The following CYB561 variants were observed in gnomAD, a reference collection of about 807,000 sequenced individuals.
CYB561 encodes the protein cytochrome b561, also known as transmembrane ascorbate-dependent reductase CYB561.
A neutral mutation model predicts 25.3 loss-of-function variants in CYB561; 11 were observed. The observed-to-expected ratio is 0.44, with a 90% CI of 0.27 to 0.72. The LOEUF is 0.72. Ranked by LOEUF, CYB561 falls within the 30% of genes least tolerant of loss-of-function variation. The probability of loss-of-function intolerance (pLI) is 0.18; values close to 1 mark genes in which losing one functional copy is unlikely to be tolerated. For missense variants in CYB561, 295 were observed against 334.9 expected (o/e 0.88, Z 0.93); for synonymous variants, 165 against 158.8 (o/e 1.04, Z -0.29).
intron 1 of CYB561, chr17:63,438,447 C>T (rs1199160815): frequency 4.0e-6 from 2 of 502,930 alleles, no homozygotes; most frequent in South Asian, 2.2e-5. Context: ...CAGCCCCGCT[C>T]CCCCCACGCC....
intron 1 of CYB561, 174 bp from the exon 2 acceptor site, chr17:63,437,734 G>GCC (rs559411517): frequency 2.8e-5 from 12 of 424,906 alleles, no homozygotes; most frequent in Middle Eastern, 6.4e-4. Flanking sequence ...GATATGCACA[G>GCC]CCCCCCCCGA....
chr17:63,441,976 C>T (rs1286776246), intron 1 of CYB561, among the ~76,000 whole-genome samples: 1 of 152,218 alleles, frequency 6.6e-6, no homozygotes, highest in African/African-American at 2.4e-5. Context: ...AGATGCATTT[C>T]CATTTGCTCC....
At position 63,436,273 on chromosome 17, in the gene CYB561, T is replaced by TACGGCTTGTAACAGG; in HGVS notation, c.203-122_203-121insCCTGTTACAAGCCGT. On this transcript the variant is annotated intron_variant, in intron 2 of 5. Coordinates refer to ENST00000360793, the MANE Select transcript of CYB561 (RefSeq NM_001915.4). This position sits in a 1 kb window ranked among gnomAD's most constrained non-coding sequence, Gnocchi z 4.8. ...GAGCTGACGGCTTGTAACAGGAGCCTAGCTGCAGGAACCGGAGGAGAAAGC... is the reference window on the plus strand; with the variant it reads ...GAGCTGACGGCTTGTAACAGGAGCCTACGGCTTGTAACAGGAGCTGCAGGAACCGGAGGAGAAAGC... 8.0e-7 allele frequency: 1 copy of TACGGCTTGTAACAGG among 1,249,394 alleles called. No individual in the cohort carries two copies. The allele number at this position is 1,249,394 out of a possible 1,614,324, so 77.4% of individuals were successfully genotyped here.
intron 1 of CYB561, among the ~76,000 whole-genome samples, chr17:63,439,815 T>A (rs2049357012): frequency 6.6e-6 from 1 of 152,184 alleles, no homozygotes; most frequent in Admixed American, 6.5e-5. Flanking sequence ...AACCTCACAC[T>A]CTTGCATTGC....
Position 63,434,382 on chromosome 17 carries a change from C to A in CYB561, c.*20G>T. ...CAGGCAAGAAGACACCCCGCGAACC[C>A]CCAGGGCCGGCCGGGCGCATCACTG... On this transcript the variant is annotated 3_prime_UTR_variant, in exon 6 of 6. Transcript: ENST00000360793. 6.5e-7 allele frequency: 1 copy of A among 1,534,068 alleles called. No homozygotes were observed. The highest frequency in any genetic ancestry group is 1.2e-5 in the South Asian group (1 of 81,872).
rs776035337 is a variant in CYB561, at chr17:63,435,729, T to C, written c.364A>G (p.Ser122Gly). Residue 122 changes from serine to glycine, a missense_variant, in exon 4 of 6, where the codon AGC becomes GGC. Physicochemically the swap from Ser to Gly is moderately conservative, Grantham distance 56. Coordinates refer to ENST00000360793, the MANE Select transcript of CYB561 (RefSeq NM_001915.4). The stretch of plus-strand genomic sequence containing the variant: ...ACAAAGACAAGGATCCCGCACCAGC[T>C]GTGTAGGCTGTACAGGTCAGCGTAG... The part of the protein sequence containing the change: ...KGYADLYSLH[S>G]WCGILVFVLY... 2 of 1,614,208 alleles carry C rather than the reference T, an allele frequency of 1.2e-6. No individual in the cohort carries two copies. The highest frequency in any genetic ancestry group is 3.3e-5 in the Admixed American group (2 of 60,026).
In CYB561 at chr17:63,432,449, T is replaced by G. The variant is rs113621831; in HGVS notation, c.*1953A>C. Reference sequence around the variant, plus strand: ...GCTCCTTAGTCATCCAGTGTTCACTTTGGCAAACAGACCAGTTTACAGACT... The same window carrying G: ...GCTCCTTAGTCATCCAGTGTTCACTGTGGCAAACAGACCAGTTTACAGACT... On this transcript the variant is annotated 3_prime_UTR_variant, in exon 6 of 6. Coordinates refer to ENST00000360793, the MANE Select transcript of CYB561 (RefSeq NM_001915.4). 1 of 152,260 alleles carries G rather than the reference T, an allele frequency of 6.6e-6. No individual in the cohort carries two copies. Among genetic ancestry groups the G allele is most frequent in the Non-Finnish European group, 1.5e-5 (1 of 68,044 alleles). The allele number at this position is 152,260 out of a possible 1,614,324, so 9.4% of individuals were successfully genotyped here.
chr17:63,440,934 G>A (rs1242293180), intron 1 of CYB561: 1 of 152,244 alleles, frequency 6.6e-6, no homozygotes, highest in Non-Finnish European at 1.5e-5. Flanking sequence ...GGCAGAATCT[G>A]ATTAGCTACA....
chr17:63,441,047 G>A (rs945864649), intron 1 of CYB561, among the ~76,000 whole-genome samples: 5 of 152,208 alleles, frequency 3.3e-5, no homozygotes, highest in Non-Finnish European at 7.3e-5. Flanking sequence ...CCCGCAGAGC[G>A]AGGGGCCGCT....
At position 63,435,760 on chromosome 17, in the gene CYB561, C is replaced by T. The variant is rs750451522; in HGVS notation, c.333G>A (p.Lys111=). Residue 111 remains lysine, a synonymous_variant, in exon 4 of 6, where the codon AAG becomes AAA. Transcript: ENST00000360793. The part of the protein sequence containing the change: ...GLVAVFDYHR[K]KGYADLYSLH... ...GGCTGTACAGGTCAGCGTAGCCCTT[C>T]TTCCTGTGGTAGTCGAACACCGCCA... The T allele has an allele frequency of 7.4e-6, 12 of 1,614,240 alleles. No homozygotes were observed. Among genetic ancestry groups the T allele is most frequent in the Non-Finnish European group, 1.0e-5 (12 of 1,180,036 alleles).
chr17:63,440,560 C>G (rs928967627), intron 1 of CYB561, among the ~76,000 whole-genome samples: 7 of 152,204 alleles, frequency 4.6e-5, no homozygotes, highest in Admixed American at 4.6e-4. Context: ...CCATCTGCAG[C>G]CCCCACTGTT....
At position 63,436,168 on chromosome 17, in the gene CYB561, G is replaced by A. The variant is rs745972367; in HGVS notation, c.203-16C>T. ...ACCAGCAGGGCTGTGGGAGGTGAGA[G>A]AGGGAACGTGAGTGCATCCGCCTGT... On this transcript the variant is annotated splice_polypyrimidine_tract_variant and intron_variant, in intron 2 of 5. Coordinates refer to ENST00000360793, the MANE Select transcript of CYB561 (RefSeq NM_001915.4). The surrounding 1 kb of genome is among the most constrained non-coding windows in gnomAD (Gnocchi z 4.8). 2.5e-6 allele frequency: 4 copies of A among 1,612,586 alleles called. No homozygotes were observed. The highest frequency in any genetic ancestry group is 1.1e-5 in the South Asian group (1 of 91,020).
At chr17:63,440,284 A>T in intron 1 of CYB561, 1 of 398,612 alleles carries the variant, frequency 2.5e-6, no homozygotes, top group Non-Finnish European at 4.4e-6. Context: ...CCCACTAGCT[A>T]GCAGGGCTGC....
Position 63,434,276 on chromosome 17 carries a change from A to T in CYB561, c.*126T>A. The T allele has an allele frequency of 1.3e-6, 1 of 788,098 alleles. No individual in the cohort carries two copies. Among genetic ancestry groups the T allele is most frequent in the Non-Finnish European group, 2.0e-6 (1 of 507,372 alleles). 48.8% of individuals were successfully genotyped at this position (788,098 alleles called of 1,614,324 possible). ...TGACCCCAGAAAGCAGCACTCAAACAGATGCAGCTGCACCCACGCGCCCGC... is the reference window on the plus strand; with the variant it reads ...TGACCCCAGAAAGCAGCACTCAAACTGATGCAGCTGCACCCACGCGCCCGC... On this transcript the variant is annotated 3_prime_UTR_variant, in exon 6 of 6. Transcript: ENST00000360793.
In CYB561 at chr17:63,433,723, A is replaced by C; in HGVS notation, c.*679T>G. On this transcript the variant is annotated 3_prime_UTR_variant, in exon 6 of 6. Transcript: ENST00000360793. ...GGAGGAGGCCCGCCTGCATCTGCCA[A>C]GAGAAAGTCTGTCTGAAGTCATGGG... The C allele has an allele frequency of 3.8e-6, 1 of 264,820 alleles. No homozygotes were observed. Among genetic ancestry groups the C allele is most frequent in the Non-Finnish European group, 7.0e-6 (1 of 142,446 alleles). The allele number at this position is 264,820 out of a possible 1,614,324, so 16.4% of individuals were successfully genotyped here. A position where few individuals can be genotyped will look rare whatever the true frequency, so the allele number is the denominator to read the frequency against.
In CYB561 at chr17:63,435,749, G is replaced by A. The variant is rs1568022547; in HGVS notation, c.344C>T (p.Ala115Val). ...CCAGCTGTGTAGGCTGTACAGGTCA[G>A]CGTAGCCCTTCTTCCTGTGGTAGTC... ...VFDYHRKKGY[A>V]DLYSLHSWCG... The change falls in exon 4 of 6, where the codon GCT (alanine) becomes GTT (valine). Residue 115 changes from alanine to valine, a missense_variant. Ala to Val is a moderately conservative substitution (Grantham distance 64). Transcript: ENST00000360793. 1 of 1,614,256 alleles carries A rather than the reference G, an allele frequency of 6.2e-7. No homozygotes were observed. Among genetic ancestry groups the A allele is most frequent in the Non-Finnish European group, 8.5e-7 (1 of 1,180,040 alleles).
intron 1 of CYB561, among the ~76,000 whole-genome samples, chr17:63,443,085 G>A (rs367911760): frequency 5.3e-5 from 8 of 152,182 alleles, no homozygotes; most frequent in African/African-American, 1.9e-4. Context: ...GATGGGTGAA[G>A]GGGAAAACAG....
In CYB561 at chr17:63,434,266, G is replaced by A. The variant is rs755131382; in HGVS notation, c.*136C>T. 2.2e-5 allele frequency: 16 copies of A among 719,900 alleles called. No homozygotes were observed. The highest frequency in any genetic ancestry group is 3.1e-5 in the Non-Finnish European group (14 of 445,726). 44.6% of individuals were successfully genotyped at this position (719,900 alleles called of 1,614,324 possible). On this transcript the variant is annotated 3_prime_UTR_variant, in exon 6 of 6. Coordinates refer to ENST00000360793, the MANE Select transcript of CYB561 (RefSeq NM_001915.4). ...GGCGGAGACCTGACCCCAGAAAGCA[G>A]CACTCAAACAGATGCAGCTGCACCC...
chr17:63,434,992 C>T (rs958218413), intron 5 of CYB561, 94 bp downstream of exon 5: 14 of 1,334,904 alleles, frequency 1.0e-5, no homozygotes, highest in Admixed American at 9.7e-5. Context: ...CCACGAGAGG[C>T]GGCTCAGGAA....
Sources: gnomAD v4.1 joint callset for allele counts (sites outside exome capture counted in the v4.1 genomes callset) on GRCh38, gnomAD v4.1.1 for gene constraint, Gnocchi (gnomAD v3.1) non-coding constraint, MANE v1.5 for transcripts, NCBI Gene and HGNC (gene_info 2026-07-23, HGNC 2026-07-21) for gene names.